Variants in CAST observed in about 807,000 individuals in gnomAD.
CAST encodes MIR583 host.
Under a neutral mutation model 119.6 loss-of-function variants are expected in CAST, and 76 were observed. The ratio of observed to expected loss-of-function variants is 0.64; its 90% CI spans 0.53 to 0.77. CAST has a LOEUF of 0.77. Ranked by LOEUF, CAST falls within the 30% of genes least tolerant of loss-of-function variation. CAST has a pLI of 0.00. For synonymous variants in CAST, 319 were observed against 331.6 expected, an observed-to-expected ratio of 0.96 and a Z score of 0.41; for missense variants, 953 against 946.5, an observed-to-expected ratio of 1.01 and a Z score of -0.09.
the CAST span, among the ~76,000 whole-genome samples, chr5:96,202,025 G>T: frequency 6.6e-6 from 1 of 152,100 alleles, no homozygotes; most frequent in African/African-American, 2.4e-5. Flanking sequence ...AAATTGTTCT[G>T]AGCAAAGGGA....
the CAST span, among the ~76,000 whole-genome samples, chr5:96,235,666 C>CT: frequency 6.6e-5 from 10 of 152,122 alleles, no homozygotes; most frequent in Non-Finnish European, 1.3e-4. Flanking sequence ...GGTCAACTAT[C>CT]TTTTCTCTCC....
the CAST span, among the ~76,000 whole-genome samples, chr5:96,374,598 T>A: frequency 6.6e-6 from 1 of 152,208 alleles, no homozygotes; most frequent in Non-Finnish European, 1.5e-5. Flanking sequence ...CTGCTGAACA[T>A]CTTTTGAAAA....
chr5:96,333,225 T>C, the CAST span, among the ~76,000 whole-genome samples: 1 of 151,894 alleles, frequency 6.6e-6, no homozygotes, highest in African/African-American at 2.4e-5. Flanking sequence ...CAGGACTCAG[T>C]GTGTGCCCGA....
At chr5:96,734,015 C>T (rs1331137755) in intron 9 of CAST, among the ~76,000 whole-genome samples, 2 of 152,088 alleles carry the variant, frequency 1.3e-5, no homozygotes, top group African/African-American at 4.8e-5. Context: ...AGAAAGGCCC[C>T]CACAAGGTGT....
At chr5:96,181,271 A>G in the CAST span, among the ~76,000 whole-genome samples, 2 of 152,192 alleles carry the variant, frequency 1.3e-5, no homozygotes, top group African/African-American at 4.8e-5. Context: ...CAAAATTTAT[A>G]TATCAGGATT....
chr5:96,217,537 G>A, the CAST span, among the ~76,000 whole-genome samples: 3 of 152,152 alleles, frequency 2.0e-5, no homozygotes, highest in African/African-American at 7.2e-5. Context: ...TGTGCTATCA[G>A]TGCAATGAAA....
the CAST span, among the ~76,000 whole-genome samples, chr5:96,424,757 G>A: frequency 6.6e-6 from 1 of 152,120 alleles, no homozygotes. Flanking sequence ...GAGGTCAGGA[G>A]TTCGAGACCA....
chr5:96,689,838 T>C (rs887328361), intron 2 of CAST, among the ~76,000 whole-genome samples: 1 of 152,252 alleles, frequency 6.6e-6, no homozygotes. Context: ...CATTTTTTTG[T>C]TATTCACTTT....
intron 1 of CAST, among the ~76,000 whole-genome samples, chr5:96,550,352 G>A (rs1186435902): frequency 6.6e-6 from 1 of 152,222 alleles, no homozygotes; most frequent in Non-Finnish European, 1.5e-5. Context: ...CTAACAAACA[G>A]AAAGGAATAG....
At chr5:96,003,537 C>CA in the CAST span, among the ~76,000 whole-genome samples, 1,378 of 55,812 alleles carry the variant, frequency 0.025, 24 homozygotes, top group Admixed American at 0.083. Flanking sequence ...GACTCCATCT[C>CA]AAAAAAAAAA....
At chr5:96,272,210 C>T in the CAST span, among the ~76,000 whole-genome samples, 1 of 152,014 alleles carries the variant, frequency 6.6e-6, no homozygotes, top group Admixed American at 6.6e-5. Context: ...GGAGGTTCCT[C>T]AAAAAACTAA....
At chr5:96,386,437 T>C in the CAST span, among the ~76,000 whole-genome samples, 1 of 152,198 alleles carries the variant, frequency 6.6e-6, no homozygotes, top group Non-Finnish European at 1.5e-5. Context: ...GAAAGGAAGG[T>C]TCACATTGGA....
At chr5:96,343,248 A>G in the CAST span, among the ~76,000 whole-genome samples, 3 of 152,324 alleles carry the variant, frequency 2.0e-5, no homozygotes, top group South Asian at 6.2e-4. Flanking sequence ...CCTCAGCTGT[A>G]GATTGCAATT....
the CAST span, chr5:96,429,405 G>T: frequency 1.4e-6 from 1 of 738,124 alleles, no homozygotes; most frequent in South Asian, 1.6e-5. Flanking sequence ...TTAGAGATAG[G>T]CAACTTTTAT....
At chr5:96,026,355 T>A in the CAST span, among the ~76,000 whole-genome samples, 1 of 152,168 alleles carries the variant, frequency 6.6e-6, no homozygotes, top group Non-Finnish European at 1.5e-5. Context: ...AATAGACAGG[T>A]GAGCTCAGTA....
the CAST span, among the ~76,000 whole-genome samples, chr5:96,124,035 T>C: frequency 1.3e-5 from 2 of 152,196 alleles, no homozygotes; most frequent in African/African-American, 2.4e-5. Context: ...AATTGACTGA[T>C]GTTTCAGATT....
chr5:96,348,111 A>G, the CAST span, among the ~76,000 whole-genome samples: 1,577 of 152,282 alleles, frequency 0.01, 27 homozygotes, highest in African/African-American at 0.036. Flanking sequence ...AAATGCATTC[A>G]TCGGATGTAG....
the CAST span, among the ~76,000 whole-genome samples, chr5:96,001,603 C>A: frequency 7.2e-5 from 11 of 152,142 alleles, no homozygotes; most frequent in Non-Finnish European, 1.2e-4. Flanking sequence ...ATTGAGTATC[C>A]AATTCTCTTT....
At chr5:95,969,968 C>T in the CAST span, among the ~76,000 whole-genome samples, 2 of 152,132 alleles carry the variant, frequency 1.3e-5, no homozygotes, top group African/African-American at 4.8e-5. Context: ...ACTCTAATGG[C>T]AACACACTTC....
Sources: gnomAD v4.1 joint callset for allele counts (sites outside exome capture counted in the v4.1 genomes callset) on GRCh38, gnomAD v4.1.1 for gene constraint, MANE v1.5 for transcripts, NCBI Gene and HGNC (gene_info 2026-07-23, HGNC 2026-07-21) for gene names.